ANKRD24: variants seen among roughly 807,000 people sequenced by gnomAD.
ANKRD24 encodes the protein ankyrin repeat domain-containing protein 24.
Under a neutral mutation model 127.8 loss-of-function variants are expected in ANKRD24, and 109 were observed. The observed-to-expected ratio is 0.85, with a 90% CI of 0.73 to 1.00. The LOEUF (loss-of-function observed/expected upper bound fraction) is 1.00. ANKRD24 is among the 50% of genes least tolerant of loss of function. The pLI is 0.00. For missense variants in ANKRD24, 1,648 were observed against 1,570.2 expected (o/e 1.05, Z -0.84); for synonymous variants, 743 against 671.1 (o/e 1.11, Z -1.66).
intron 1 of ANKRD24, among the ~76,000 whole-genome samples, chr19:4,185,651 A>G (rs1968020228): frequency 6.6e-6 from 1 of 152,242 alleles, no homozygotes; most frequent in Admixed American, 6.5e-5. Flanking sequence ...CGTCACACAC[A>G]TGCATGCAGC....
At position 4,217,977 on chromosome 19, in the gene ANKRD24, G is replaced by C. The variant is rs1402755189; in HGVS notation, c.2817G>C (p.Glu939Asp). ...GCCGGGCAGCCAGTCTGGAGCAGGA[G>C]GTGGTGGCCACGGGCAAGGAGGCCG... Reference protein sequence around the residue: ...LRGRAASLEQEVVATGKEAAR... With the variant: ...LRGRAASLEQDVVATGKEAAR... The change falls in exon 18 of 22, where the codon GAG becomes GAC. Residue 939 changes from glutamate (E) to aspartate (D), a missense_variant. Glu to Asp is a conservative substitution (Grantham distance 45). Coordinates refer to ENST00000318934, the MANE Select transcript of ANKRD24 (RefSeq NM_001393985.1). 6.6e-7 allele frequency: 1 copy of C among 1,521,832 alleles called. No individual in the cohort carries two copies. The highest frequency in any genetic ancestry group is 8.8e-7 in the Non-Finnish European group (1 of 1,142,188). The allele number at this position is 1,521,832 out of a possible 1,614,324, so 94.3% of individuals were successfully genotyped here.
chr19:4,193,423 G>A (rs184290239), intron 2 of ANKRD24, among the ~76,000 whole-genome samples: 133 of 152,224 alleles, frequency 8.7e-4, no homozygotes, highest in Middle Eastern at 6.8e-3. Flanking sequence ...CCATGTGCAC[G>A]GTGGGGCAGG....
At position 4,207,585 on chromosome 19, in the gene ANKRD24, A is replaced by G. The variant is rs1969464432; in HGVS notation, c.622A>G (p.Asn208Asp). 2 of 1,613,924 alleles carry G rather than the reference A, an allele frequency of 1.2e-6. No homozygotes were observed. Among genetic ancestry groups the G allele is most frequent in the Admixed American group, 1.7e-5 (1 of 60,022 alleles). Residue 208 changes from asparagine (N) to aspartate (D), a missense_variant, in exon 9 of 22, where the codon AAC becomes GAC. Transcript: ENST00000318934. ...RLLLQQGAAA[N>D]DQDLQGRTAL... ...CCTACTGCAGCAAGGGGCTGCCGCG[A>G]ACGATCAGGACCTGCAAGGCAGGTG...
chr19:4,204,125 G>A (rs973435583), intron 7 of ANKRD24, among the ~76,000 whole-genome samples: 3 of 151,546 alleles, frequency 2.0e-5, no homozygotes, highest in African/African-American at 7.3e-5. Flanking sequence ...CACCATGCCC[G>A]GCTAATTTTT....
Position 4,199,669 on chromosome 19 carries a change from A to T in ANKRD24, c.37-14A>T, listed in dbSNP as rs770322674. 5 of 1,520,736 alleles carry T rather than the reference A, an allele frequency of 3.3e-6. No homozygotes were observed. The South Asian group carries it at 6.1e-5, about 19-fold the overall frequency. The allele number at this position is 1,520,736 out of a possible 1,614,324, so 94.2% of individuals were successfully genotyped here. A position where few individuals can be genotyped will look rare whatever the true frequency, so the allele number is the denominator to read the frequency against. On this transcript the variant is annotated splice_polypyrimidine_tract_variant and intron_variant, in intron 2 of 21. Coordinates refer to ENST00000318934, the MANE Select transcript of ANKRD24 (RefSeq NM_001393985.1). This position sits in a 1 kb window ranked among gnomAD's most constrained non-coding sequence, Gnocchi z 5.2. The stretch of plus-strand genomic sequence containing the variant: ...TCTGAGGACCCCCTCGCCCAGGACC[A>T]CCTCCCCCTGCAGCTGCGGCTCAGC...
At chr19:4,211,972 A>C (rs1189926863) in intron 13 of ANKRD24, among the ~76,000 whole-genome samples, 1 of 152,136 alleles carries the variant, frequency 6.6e-6, no homozygotes, top group Admixed American at 6.6e-5. Context: ...AGGCTGAGAC[A>C]GGCGGATCAC....
intron 6 of ANKRD24, among the ~76,000 whole-genome samples, chr19:4,202,584 T>TAC (rs1438507845): frequency 1.3e-5 from 2 of 151,880 alleles, no homozygotes; most frequent in East Asian, 3.9e-4. Flanking sequence ...TATATATATA[T>TAC]ACTCCCAATG....
At chr19:4,213,911 A>G (rs1454248383) in intron 15 of ANKRD24, among the ~76,000 whole-genome samples, 1 of 152,164 alleles carries the variant, frequency 6.6e-6, no homozygotes. Flanking sequence ...CTGGGATTAC[A>G]GGTATGAGCC....
chr19:4,223,386 TATATATA>T (rs1262240832), intron 20 of ANKRD24, among the ~76,000 whole-genome samples: 34 of 82,432 alleles, frequency 4.1e-4, no homozygotes, highest in African/African-American at 2.1e-3. Flanking sequence ...TATATATATA[TATATATA>T]TATATATATT....
At position 4,208,799 on chromosome 19, in the gene ANKRD24, C is replaced by G; in HGVS notation, c.868C>G (p.Gln290Glu). ...GGATGATTCAGGCGAGGCGTCATCT[C>G]AGGTATGGACCCCTAAGCAGTGAAG... Reference protein sequence around the residue: ...TEDDSGEASSQNSMSSHGKQG... With the variant: ...TEDDSGEASSENSMSSHGKQG... The change falls in exon 11 of 22, where the codon CAG (glutamine) becomes GAG (glutamate). Residue 290 changes from glutamine to glutamate, a missense_variant and splice_region_variant. Transcript: ENST00000318934. 1 of 1,613,212 alleles carries G rather than the reference C, an allele frequency of 6.2e-7. No homozygotes were observed. Among genetic ancestry groups the G allele is most frequent in the Middle Eastern group, 1.7e-4 (1 of 6,058 alleles).
chr19:4,215,913 T>A (rs1176016974), intron 15 of ANKRD24, 65 bp from the exon 16 acceptor site: 1 of 1,311,954 alleles, frequency 7.6e-7, no homozygotes, highest in Non-Finnish European at 1.1e-6. Context: ...CCCACTGGAG[T>A]CTTGGTGGGG....
At chr19:4,215,164 G>A (rs1034749698) in intron 15 of ANKRD24, among the ~76,000 whole-genome samples, 2 of 152,184 alleles carry the variant, frequency 1.3e-5, no homozygotes, top group African/African-American at 4.8e-5. Context: ...AGGAATTAAT[G>A]CAACTCAATA....
chr19:4,217,526 C>A lies in ANKRD24; in HGVS notation c.2366C>A (p.Ala789Glu), dbSNP rs1313981908. ...GGCGGTGACACCACACAGCTGCGGG[C>A]GGCCCTGGAGCAGGCCCGGGAGGAC... is the stretch of plus-strand genomic sequence containing the variant. ...GGGGDTTQLR[A>E]ALEQAREDLR... The change falls in exon 18 of 22, where the codon GCG becomes GAG. Residue 789 changes from alanine to glutamate, a missense_variant. Ala to Glu is a moderately radical substitution (Grantham distance 107). Transcript: ENST00000318934. The A allele has an allele frequency of 3.7e-6, 5 of 1,364,196 alleles. No homozygotes were observed. The South Asian group carries it at 6.8e-5, about 19-fold the overall frequency. 84.5% of individuals were successfully genotyped at this position (1,364,196 alleles called of 1,614,324 possible).
At chr19:4,213,216 C>T (rs1235484656) in intron 15 of ANKRD24, among the ~76,000 whole-genome samples, 3 of 150,336 alleles carry the variant, frequency 2.0e-5, no homozygotes, top group Non-Finnish European at 3.0e-5. Flanking sequence ...CTTTCTTCCC[C>T]TTCTCCTTCC....
At chr19:4,222,533 G>C (rs1970496964) in intron 19 of ANKRD24, 137 bp from the exon 20 acceptor site, 3 of 1,054,772 alleles carry the variant, frequency 2.8e-6, no homozygotes, top group Non-Finnish European at 2.5e-6. Flanking sequence ...GTGGCCCTCA[G>C]GCCAGAGTTT....
chr19:4,219,377 G>A (rs11670819), intron 18 of ANKRD24, among the ~76,000 whole-genome samples: 66,742 of 151,420 alleles, frequency 0.44, 16,433 homozygotes, highest in Non-Finnish European at 0.56. Flanking sequence ...CGAGGTGGGA[G>A]GATCACTTAA....
At chr19:4,220,464 CCCACGTTT>C (rs1970381044) in intron 19 of ANKRD24, among the ~76,000 whole-genome samples, 1 of 146,742 alleles carries the variant, frequency 6.8e-6, no homozygotes, top group Non-Finnish European at 1.5e-5. Flanking sequence ...TACCCACGTT[CCCACGTTT>C]CGTTCCTAAA....
chr19:4,209,557 C>G (rs994133964), intron 11 of ANKRD24, among the ~76,000 whole-genome samples: 2 of 152,122 alleles, frequency 1.3e-5, no homozygotes, highest in Non-Finnish European at 2.9e-5. Context: ...TCAAGTGATT[C>G]TCCTGCCTCA....
intron 2 of ANKRD24, among the ~76,000 whole-genome samples, chr19:4,190,711 C>T (rs1968339904): frequency 6.6e-6 from 1 of 152,196 alleles, no homozygotes; most frequent in Admixed American, 6.5e-5. Flanking sequence ...ATTGCCCAGC[C>T]TGGGTGACAG....
Sources: gnomAD v4.1 joint callset for allele counts (sites outside exome capture counted in the v4.1 genomes callset) on GRCh38, gnomAD v4.1.1 for gene constraint, Gnocchi (gnomAD v3.1) non-coding constraint, MANE v1.5 for transcripts, NCBI Gene and HGNC (gene_info 2026-07-23, HGNC 2026-07-21) for gene names.